BTF3L4: variants seen among roughly 807,000 people sequenced by gnomAD.
The protein encoded by BTF3L4 is transcription factor BTF3 homolog 4.
BTF3L4 carries 6 observed loss-of-function variants against 16.8 expected under a neutral mutation model. The observed-to-expected ratio is 0.36, with a 90% CI of 0.20 to 0.71. BTF3L4 has a LOEUF of 0.71. Ranked by LOEUF, BTF3L4 falls within the 30% of genes least tolerant of loss-of-function variation. The pLI, the probability that BTF3L4 is intolerant of heterozygous loss-of-function variation, is 0.58. For synonymous variants in BTF3L4, 39 were observed against 59.8 expected, an observed-to-expected ratio of 0.65 and a Z score of 1.60; for missense variants, 92 against 186.9, an observed-to-expected ratio of 0.49 and a Z score of 2.96.
At chr1:52,069,551 A>C (rs1034064074) in intron 3 of BTF3L4, among the ~76,000 whole-genome samples, 4 of 152,206 alleles carry the variant, frequency 2.6e-5, no homozygotes, top group East Asian at 1.9e-4. Flanking sequence ...GGATGTTTAA[A>C]ACTTGTTACA....
intron 2 of BTF3L4, among the ~76,000 whole-genome samples, chr1:52,062,824 G>A (rs1204812152): frequency 2.6e-5 from 4 of 152,164 alleles, no homozygotes; most frequent in African/African-American, 7.2e-5. Context: ...GTTTTTCCAC[G>A]GATGGGAGGA....
chr1:52,078,662 A>C (rs1378793202), intron 3 of BTF3L4, among the ~76,000 whole-genome samples: 1 of 152,194 alleles, frequency 6.6e-6, no homozygotes, highest in East Asian at 1.9e-4. Context: ...TGGTTCTTCT[A>C]AACAGTGAAA....
At chr1:52,059,244 C>T (rs1686450808) in intron 1 of BTF3L4, among the ~76,000 whole-genome samples, 1 of 152,152 alleles carries the variant, frequency 6.6e-6, no homozygotes, top group South Asian at 2.1e-4. Context: ...GTCTGAAAAC[C>T]TGGTTCTCTT....
At chr1:52,081,825 A>G (rs556590393) in intron 3 of BTF3L4, among the ~76,000 whole-genome samples, 2 of 152,118 alleles carry the variant, frequency 1.3e-5, no homozygotes, top group Non-Finnish European at 2.9e-5. Context: ...TTTAGTTACA[A>G]TTTTCCAGGG....
At chr1:52,057,986 C>G (rs979916784) in intron 1 of BTF3L4, among the ~76,000 whole-genome samples, 1 of 152,190 alleles carries the variant, frequency 6.6e-6, no homozygotes, top group African/African-American at 2.4e-5. Context: ...AGAAGAATCC[C>G]AAAGGGTTTA....
At chr1:52,085,553 A>C (rs1643964417) in intron 4 of BTF3L4, among the ~76,000 whole-genome samples, 1 of 151,928 alleles carries the variant, frequency 6.6e-6, no homozygotes, top group South Asian at 2.1e-4. Context: ...TTTGCATATA[A>C]ATTTTATCTT....
At chr1:52,083,259 A>T in intron 3 of BTF3L4, 81 bp from the exon 4 acceptor site, 3 of 1,185,976 alleles carry the variant, frequency 2.5e-6, no homozygotes, top group Non-Finnish European at 3.7e-6. Flanking sequence ...AAGAACCATA[A>T]TTGGCTGAAT....
chr1:52,061,943 CT>C lies in BTF3L4; in HGVS notation c.54+2053del, dbSNP rs540820790. Among the ~76,000 whole-genome samples the C allele has an allele frequency of 1.2e-3, 160 of 137,682 alleles. 1 individual carries two copies. The highest frequency in any genetic ancestry group is 3.3e-3 in the African/African-American group (122 of 37,396). The allele number at this position is 137,682 out of a possible 152,430, so 90.3% of individuals were successfully genotyped here. On this transcript the variant is annotated intron_variant, in intron 2 of 5. Transcript: ENST00000313334. ...AGGCGTGAGCCACCGTGCCCGGCCTCTTTTTTTTTTTAAGATGGAATCTCTC... is the reference window on the plus strand; with the variant it reads ...AGGCGTGAGCCACCGTGCCCGGCCTCTTTTTTTTTTAAGATGGAATCTCTC...
chr1:52,068,178 A>G (rs1352159228), intron 3 of BTF3L4, among the ~76,000 whole-genome samples: 1 of 152,228 alleles, frequency 6.6e-6, no homozygotes, highest in Non-Finnish European at 1.5e-5. Flanking sequence ...ATAAGGAACC[A>G]GTTAGTAATT....
chr1:52,056,498 C>A, intron 1 of BTF3L4, 119 bp downstream of exon 1: 1 of 152,956 alleles, frequency 6.5e-6, no homozygotes, highest in Non-Finnish European at 1.5e-5. Flanking sequence ...CGTGGTGCGG[C>A]GAGCGGGGGC....
chr1:52,066,110 A>G (rs930553769), intron 3 of BTF3L4, among the ~76,000 whole-genome samples: 12 of 152,140 alleles, frequency 7.9e-5, no homozygotes, highest in African/African-American at 2.7e-4. Context: ...ACCAAAGATT[A>G]ATGTTATTCC....
At chr1:52,079,919 T>A (rs1262102928) in intron 3 of BTF3L4, among the ~76,000 whole-genome samples, 1 of 147,256 alleles carries the variant, frequency 6.8e-6, no homozygotes, top group African/African-American at 2.5e-5. Flanking sequence ...TCGCCCAGGC[T>A]AGAGTGCAAT....
chr1:52,074,218 A>C (rs1686872138), intron 3 of BTF3L4, among the ~76,000 whole-genome samples: 1 of 151,208 alleles, frequency 6.6e-6, no homozygotes, highest in African/African-American at 2.4e-5. Flanking sequence ...TTGTTTTTTG[A>C]GATAGAGTCT....
At chr1:52,061,246 C>T (rs550806380) in intron 2 of BTF3L4, among the ~76,000 whole-genome samples, 64 of 152,016 alleles carry the variant, frequency 4.2e-4, no homozygotes, top group Admixed American at 1.1e-3. Flanking sequence ...CCCAGCACTT[C>T]GGGAGGCTGA....
intron 3 of BTF3L4, among the ~76,000 whole-genome samples, chr1:52,082,550 C>G (rs554742308): frequency 6.6e-6 from 1 of 152,212 alleles, no homozygotes; most frequent in Non-Finnish European, 1.5e-5. Flanking sequence ...GCCTGGCCAA[C>G]ATGGTGAAAC....
At chr1:52,080,173 A>ACGC (rs1643905487) in intron 3 of BTF3L4, among the ~76,000 whole-genome samples, 1 of 151,948 alleles carries the variant, frequency 6.6e-6, no homozygotes, top group Non-Finnish European at 1.5e-5. Flanking sequence ...GCTGAATTGA[A>ACGC]TTTTTGTAGG....
chr1:52,085,083 T>A (rs1267487458), intron 4 of BTF3L4, among the ~76,000 whole-genome samples: 8 of 140,110 alleles, frequency 5.7e-5, no homozygotes, highest in Non-Finnish European at 9.1e-5. Context: ...TGCAGTGGCA[T>A]GATCTTGGCT....
At chr1:52,071,979 A>G (rs1264422707) in intron 3 of BTF3L4, among the ~76,000 whole-genome samples, 1 of 141,016 alleles carries the variant, frequency 7.1e-6, no homozygotes, top group African/African-American at 2.6e-5. Context: ...GTGTGTAGAT[A>G]TATCTATATA....
chr1:52,073,505 C>CACAT (rs1553239833), intron 3 of BTF3L4, among the ~76,000 whole-genome samples: 17 of 142,086 alleles, frequency 1.2e-4, no homozygotes, highest in African/African-American at 4.2e-4. Context: ...CACACACACA[C>CACAT]ACACACACAC....
Sources: allele counts gnomAD v4.1 joint callset (sites outside exome capture counted in the v4.1 genomes callset), GRCh38; gene constraint gnomAD v4.1.1; transcripts MANE v1.5; gene names NCBI Gene and HGNC (gene_info 2026-07-23, HGNC 2026-07-21).